The following SPAG6 variants were observed in gnomAD, a reference collection of about 807,000 sequenced individuals.
SPAG6 encodes sperm-associated antigen 6.
Under a neutral mutation model 58.5 loss-of-function variants are expected in SPAG6, and 49 were observed. The observed-to-expected ratio is 0.84, with a 90% confidence interval of 0.67 to 1.06. SPAG6 has a LOEUF of 1.06. Ranked by LOEUF, SPAG6 falls within the 50% of genes least tolerant of loss-of-function variation. The probability of loss-of-function intolerance (pLI) is 0.00; values close to 1 mark genes in which losing one functional copy is unlikely to be tolerated. For synonymous variants in SPAG6, 233 were observed against 225.6 expected, an observed-to-expected ratio of 1.03 and a Z score of -0.29; for missense variants, 560 against 611.3, an observed-to-expected ratio of 0.92 and a Z score of 0.89.
intron 9 of SPAG6, among the ~76,000 whole-genome samples, chr10:22,409,119 G>A (rs899600522): frequency 1.3e-5 from 2 of 152,184 alleles, no homozygotes; most frequent in South Asian, 2.1e-4. Context: ...GTAGACCGGA[G>A]CTGTTCCTAT....
At chr10:22,387,337 A>AT (rs1834090989) in intron 5 of SPAG6, among the ~76,000 whole-genome samples, 1 of 152,180 alleles carries the variant, frequency 6.6e-6, no homozygotes, top group Non-Finnish European at 1.5e-5. Flanking sequence ...CTAAAATCTG[A>AT]TTTTTAGTTA....
chr10:22,413,066 CAAAAAAAAAA>C (rs775680159), intron 10 of SPAG6: 3 of 43,312 alleles, frequency 6.9e-5, no homozygotes, highest in Admixed American at 2.5e-4. Flanking sequence ...CAGAAAGATG[CAAAAAAAAAA>C]AAAAAAAAAA....
Position 22,411,187 on chromosome 10 carries a change from T to C in SPAG6, c.1460+11T>C. On this transcript the variant is annotated intron_variant, in intron 10 of 10. Coordinates refer to ENST00000376624, the MANE Select transcript of SPAG6 (RefSeq NM_012443.4). Reference sequence around the variant, plus strand: ...CGAGGAAATAGTGAGGTGGGGAAAATGGACTTTGAAACGTTCAATATTAGA... The same window carrying C: ...CGAGGAAATAGTGAGGTGGGGAAAACGGACTTTGAAACGTTCAATATTAGA... The C allele has an allele frequency of 4.4e-6, 7 of 1,597,614 alleles. No homozygotes were observed. Among genetic ancestry groups the C allele is most frequent in the Non-Finnish European group, 6.0e-6 (7 of 1,172,796 alleles).
intron 8 of SPAG6, among the ~76,000 whole-genome samples, chr10:22,399,426 G>T (rs1834362982): frequency 6.6e-6 from 1 of 152,228 alleles, no homozygotes; most frequent in African/African-American, 2.4e-5. Context: ...GAACTTTTGT[G>T]CCTGGCCTCT....
At chr10:22,384,713 A>G (rs1369527032) in intron 4 of SPAG6, among the ~76,000 whole-genome samples, 1 of 152,164 alleles carries the variant, frequency 6.6e-6, no homozygotes, top group African/African-American at 2.4e-5. Context: ...TTCCACTGCC[A>G]TCCCCGGCCT....
intron 2 of SPAG6, chr10:22,361,010 A>C: frequency 3.3e-6 from 2 of 607,466 alleles, no homozygotes; most frequent in Non-Finnish European, 5.8e-6. Flanking sequence ...TAATATGTGT[A>C]AGAGGTAAAA....
intron 9 of SPAG6, among the ~76,000 whole-genome samples, chr10:22,402,868 TACAG>T (rs1373332089): frequency 6.6e-6 from 1 of 152,230 alleles, no homozygotes; most frequent in East Asian, 1.9e-4. Flanking sequence ...GTAGATCATC[TACAG>T]ACAGAGTTAT....
chr10:22,413,444 A>ACC (rs1834792721), intron 10 of SPAG6, among the ~76,000 whole-genome samples: 1 of 151,958 alleles, frequency 6.6e-6, no homozygotes, highest in African/African-American at 2.4e-5. Context: ...GAGGCAGGAG[A>ACC]ATGGCGTGAA....
chr10:22,388,841 G>C (rs1323290263), intron 6 of SPAG6, among the ~76,000 whole-genome samples: 1 of 152,032 alleles, frequency 6.6e-6, no homozygotes, highest in Non-Finnish European at 1.5e-5. Flanking sequence ...TGATGGGGGG[G>C]TTTCAGTAGT....
chr10:22,388,535 G>C (rs1034475750), intron 6 of SPAG6, among the ~76,000 whole-genome samples: 3 of 152,110 alleles, frequency 2.0e-5, no homozygotes, highest in Non-Finnish European at 1.5e-5. Context: ...CTTACATGGT[G>C]ATTTCCCGCC....
chr10:22,387,776 G>T (rs781272983), intron 5 of SPAG6, 47 bp from the exon 6 acceptor site: 4 of 1,553,788 alleles, frequency 2.6e-6, no homozygotes, highest in Non-Finnish European at 3.5e-6. Flanking sequence ...CTCTGTAGTG[G>T]ATGCTATATA....
At chr10:22,368,702 T>C (rs766025064) in intron 4 of SPAG6, 24 bp downstream of exon 4, 5 of 1,550,314 alleles carry the variant, frequency 3.2e-6, no homozygotes, top group Non-Finnish European at 3.5e-6. Context: ...TGCAGGAGCA[T>C]ATTTTAAAAT....
chr10:22,362,847 T>C (rs1299346940), intron 2 of SPAG6, among the ~76,000 whole-genome samples: 3 of 152,104 alleles, frequency 2.0e-5, no homozygotes, highest in Admixed American at 1.3e-4. Context: ...CTGACATTTC[T>C]TCAAAGAAGA....
chr10:22,376,797 A>G (rs998475339), intron 4 of SPAG6, among the ~76,000 whole-genome samples: 1 of 152,066 alleles, frequency 6.6e-6, no homozygotes, highest in African/African-American at 2.4e-5. Flanking sequence ...GTTATAAAAG[A>G]TAAGAGGCCA....
chr10:22,376,964 G>A lies in SPAG6; in HGVS notation c.472+8286G>A, dbSNP rs118182490. ...AGTATAGTGGTGTACAGCTACTTGG[G>A]AGGATGAGGAGGGTCACTTGAGCAG... On this transcript the variant is annotated intron_variant, in intron 4 of 10. Coordinates refer to ENST00000376624, the MANE Select transcript of SPAG6 (RefSeq NM_012443.4). Among the ~76,000 whole-genome samples the A allele has an allele frequency of 1.0e-3, 159 of 151,992 alleles. No homozygotes were observed. The East Asian group carries it at 0.018, about 17-fold the overall frequency.
chr10:22,353,438 T>A (rs184177374), intron 2 of SPAG6, among the ~76,000 whole-genome samples: 2 of 152,384 alleles, frequency 1.3e-5, no homozygotes, highest in Non-Finnish European at 2.9e-5. Flanking sequence ...AGGAAACAGT[T>A]TGAATGACCC....
At chr10:22,358,060 T>C (rs1836918852) in intron 2 of SPAG6, among the ~76,000 whole-genome samples, 1 of 152,140 alleles carries the variant, frequency 6.6e-6, no homozygotes, top group Non-Finnish European at 1.5e-5. Context: ...TGCATGTGTC[T>C]TTATAGCAGC....
intron 4 of SPAG6, among the ~76,000 whole-genome samples, chr10:22,380,438 C>T (rs1833924825): frequency 1.3e-5 from 2 of 152,024 alleles, no homozygotes; most frequent in African/African-American, 2.4e-5. Context: ...CGAGTAGCTA[C>T]AGGTGCTTGC....
chr10:22,376,251 T>A (rs1291131146), intron 4 of SPAG6, among the ~76,000 whole-genome samples: 1 of 152,204 alleles, frequency 6.6e-6, no homozygotes, highest in African/African-American at 2.4e-5. Context: ...TGAGAAATGC[T>A]GTAAGTGCAA....
Sources: gnomAD v4.1 joint callset for allele counts (sites outside exome capture counted in the v4.1 genomes callset) on GRCh38, gnomAD v4.1.1 for gene constraint, MANE v1.5 for transcripts, NCBI Gene and HGNC (gene_info 2026-07-23, HGNC 2026-07-21) for gene names.